Variants in DPT observed in about 807,000 individuals in gnomAD.
DPT encodes the protein dermatopontin, also known as tyrosine-rich acidic matrix protein.
In DPT, 21 loss-of-function variants were observed where a neutral mutation model predicts 31.2. That is an observed-to-expected ratio of 0.67 (90% confidence interval 0.48 to 0.97). The LOEUF (loss-of-function observed/expected upper bound fraction) is 0.97. Ranked by LOEUF, DPT falls within the 50% of genes least tolerant of loss-of-function variation. The pLI is 0.00. For missense variants in DPT, 262 were observed against 258.8 expected, an observed-to-expected ratio of 1.01 and a Z score of -0.08; for synonymous variants, 91 against 86.9, an observed-to-expected ratio of 1.05 and a Z score of -0.26.
At chr1:168,715,943 C>G (rs1043610027) in intron 1 of DPT, among the ~76,000 whole-genome samples, 3 of 152,204 alleles carry the variant, frequency 2.0e-5, no homozygotes, top group African/African-American at 7.2e-5. Context: ...GGAATGCAAC[C>G]TTGTATTTCA....
At chr1:168,704,219 T>A (rs1449975409) in intron 2 of DPT, among the ~76,000 whole-genome samples, 1 of 152,154 alleles carries the variant, frequency 6.6e-6, no homozygotes, top group African/African-American at 2.4e-5. Context: ...AAAAACACAC[T>A]TCATACTGAG....
intron 1 of DPT, among the ~76,000 whole-genome samples, chr1:168,727,059 T>G (rs574769612): frequency 6.6e-6 from 1 of 152,334 alleles, no homozygotes; most frequent in African/African-American, 2.4e-5. Flanking sequence ...GGGCTTCTGC[T>G]GTGGTCTTGC....
chr1:168,718,327 A>AGGCTGCTGGCCC (rs1650031773), intron 1 of DPT, among the ~76,000 whole-genome samples: 1 of 152,278 alleles, frequency 6.6e-6, no homozygotes, highest in Non-Finnish European at 1.5e-5. Context: ...GCTGTTGGCC[A>AGGCTGCTGGCCC]GGCTGCTGGC....
rs1453026724 is a variant in DPT, at chr1:168,728,899, C to A, written c.276G>T (p.Trp92Cys). Reference sequence around the variant, plus strand: ...CCATGCCAGCCCTGTTGATCTCCTCCCACCAGCACTCCGTGGGTTCCCCGA... The same window carrying A: ...CCATGCCAGCCCTGTTGATCTCCTCACACCAGCACTCCGTGGGTTCCCCGA... ...QSLGEPTECW[W>C]EEINRAGMEW... Residue 92 changes from tryptophan (W) to cysteine (C), a missense_variant, in exon 1 of 4, where the codon TGG becomes TGT. Physicochemically the swap from Trp to Cys is radical, Grantham distance 215. Transcript: ENST00000367817. 1 of 1,614,196 alleles carries A rather than the reference C, an allele frequency of 6.2e-7. No homozygotes were observed. The highest frequency in any genetic ancestry group is 1.1e-5 in the South Asian group (1 of 91,086).
chr1:168,723,516 G>A (rs541098168), intron 1 of DPT, among the ~76,000 whole-genome samples: 54 of 152,280 alleles, frequency 3.5e-4, no homozygotes, highest in South Asian at 2.7e-3. Context: ...AAATCACCAC[G>A]TAGATCAGGG....
chr1:168,706,730 C>A (rs142459682), intron 2 of DPT, among the ~76,000 whole-genome samples: 3 of 152,156 alleles, frequency 2.0e-5, no homozygotes, highest in Non-Finnish European at 4.4e-5. Flanking sequence ...TATCACAACA[C>A]GAGGGAATAA....
At chr1:168,728,122 G>A (rs952370237) in intron 1 of DPT, among the ~76,000 whole-genome samples, 5 of 152,126 alleles carry the variant, frequency 3.3e-5, no homozygotes, top group African/African-American at 9.7e-5. Flanking sequence ...GTACAAGCTC[G>A]AAAAAATTCC....
At chr1:168,724,944 C>T (rs1053372421) in intron 1 of DPT, among the ~76,000 whole-genome samples, 5 of 152,062 alleles carry the variant, frequency 3.3e-5, no homozygotes, top group African/African-American at 9.7e-5. Flanking sequence ...CTTTGAAGCC[C>T]GGGGTAAAAA....
At chr1:168,702,100 C>A (rs1400703224) in intron 2 of DPT, among the ~76,000 whole-genome samples, 1 of 152,170 alleles carries the variant, frequency 6.6e-6, no homozygotes, top group African/African-American at 2.4e-5. Flanking sequence ...CCTTCAGGAC[C>A]AAAACAGTCC....
At chr1:168,710,700 G>T (rs1360521458) in intron 2 of DPT, among the ~76,000 whole-genome samples, 2 of 152,090 alleles carry the variant, frequency 1.3e-5, no homozygotes, top group Non-Finnish European at 2.9e-5. Context: ...TATGTGAGAG[G>T]AACGATACCT....
intron 1 of DPT, among the ~76,000 whole-genome samples, chr1:168,718,266 T>C (rs1650030332): frequency 6.6e-6 from 1 of 152,244 alleles, no homozygotes; most frequent in African/African-American, 2.4e-5. Context: ...CCGAACTGTT[T>C]CATGGAGTAC....
chr1:168,712,913 C>A (rs888648791), intron 2 of DPT, among the ~76,000 whole-genome samples: 10 of 151,980 alleles, frequency 6.6e-5, no homozygotes, highest in Admixed American at 4.6e-4. Flanking sequence ...CTATAGTTTT[C>A]ATCAGAGTCT....
intron 2 of DPT, among the ~76,000 whole-genome samples, chr1:168,707,790 A>T (rs1263208460): frequency 1.3e-5 from 2 of 152,124 alleles, no homozygotes; most frequent in African/African-American, 4.8e-5. Flanking sequence ...TCCTGCCATC[A>T]TGTGAAGGAC....
At chr1:168,706,458 GA>G (rs1183536356) in intron 2 of DPT, among the ~76,000 whole-genome samples, 3 of 152,116 alleles carry the variant, frequency 2.0e-5, no homozygotes, top group African/African-American at 7.2e-5. Context: ...GACCCCCTTT[GA>G]ATTAGTTTTG....
chr1:168,709,491 A>G (rs970874225), intron 2 of DPT, among the ~76,000 whole-genome samples: 2 of 152,180 alleles, frequency 1.3e-5, no homozygotes, highest in Non-Finnish European at 2.9e-5. Flanking sequence ...AGGCTGTAAT[A>G]TCCAAAGAGA....
rs191078198 is a variant in DPT at position 168,696,620 on chromosome 1, G to T, written c.540-5C>A. 6.2e-7 allele frequency: 1 copy of T among 1,613,308 alleles called. No homozygotes were observed. The highest frequency in any genetic ancestry group is 8.5e-7 in the Non-Finnish European group (1 of 1,179,522). ...ATGAACTTCCACTGGCGATCCCTGTGGGAGGGAGAGTCAGAAAATGAATGT... is the reference window on the plus strand; with the variant it reads ...ATGAACTTCCACTGGCGATCCCTGTTGGAGGGAGAGTCAGAAAATGAATGT... On this transcript the variant is annotated splice_region_variant and splice_polypyrimidine_tract_variant and intron_variant, in intron 3 of 3. Transcript: ENST00000367817.
At chr1:168,709,675 C>A (rs1425111217) in intron 2 of DPT, among the ~76,000 whole-genome samples, 1 of 152,150 alleles carries the variant, frequency 6.6e-6, no homozygotes, top group Non-Finnish European at 1.5e-5. Context: ...CTAGTTCATA[C>A]GGTGTCAGGC....
At chr1:168,709,589 G>T (rs1336147627) in intron 2 of DPT, among the ~76,000 whole-genome samples, 1 of 152,150 alleles carries the variant, frequency 6.6e-6, no homozygotes, top group Non-Finnish European at 1.5e-5. Context: ...TGGATGATTT[G>T]TTTTTTCCAG....
intron 2 of DPT, among the ~76,000 whole-genome samples, chr1:168,705,467 A>C (rs191566546): frequency 3.7e-4 from 56 of 152,276 alleles, no homozygotes; most frequent in Non-Finnish European, 1.2e-4. Context: ...CAGACTCCCT[A>C]CCATAAAAAC....
Sources: gnomAD v4.1 joint callset for allele counts (sites outside exome capture counted in the v4.1 genomes callset) on GRCh38, gnomAD v4.1.1 for gene constraint, MANE v1.5 for transcripts, NCBI Gene and HGNC (gene_info 2026-07-23, HGNC 2026-07-21) for gene names.